The following PCNX4 variants were observed in gnomAD, a reference collection of about 807,000 sequenced individuals.
The protein encoded by PCNX4 is pecanex 4, also known as pecanex-like protein 4.
Under a neutral mutation model 107.2 loss-of-function variants are expected in PCNX4, and 103 were observed. That is an observed-to-expected ratio of 0.96 (90% confidence interval 0.82 to 1.13). The LOEUF is 1.13. Ranked by LOEUF, PCNX4 falls within the 50% of genes most tolerant of loss-of-function variation. The probability of loss-of-function intolerance (pLI) is 0.00; values close to 1 mark genes in which losing one functional copy is unlikely to be tolerated. For missense variants in PCNX4, 1,528 were observed against 1,379.4 expected (o/e 1.11, Z -1.71); for synonymous variants, 541 against 481.7 (o/e 1.12, Z -1.61).
At chr14:60,111,755 A>T (rs1001735159) in intron 2 of PCNX4, among the ~76,000 whole-genome samples, 8 of 152,172 alleles carry the variant, frequency 5.3e-5, no homozygotes, top group African/African-American at 1.4e-4. Context: ...TGGATTTAAT[A>T]TATAGTTTTA....
chr14:60,129,248 A>G (rs1298549248), intron 10 of PCNX4, among the ~76,000 whole-genome samples: 1 of 151,152 alleles, frequency 6.6e-6, no homozygotes, highest in Non-Finnish European at 1.5e-5. Flanking sequence ...CTCAAAAAAA[A>G]AAAAAGAAGG....
intron 2 of PCNX4, chr14:60,109,303 T>C (rs760976199): frequency 3.6e-5 from 6 of 167,154 alleles, no homozygotes; most frequent in Non-Finnish European, 7.3e-5. Flanking sequence ...TATGGCATTT[T>C]TTTATGGCAG....
At position 60,141,180 on chromosome 14, in the gene PCNX4, T is replaced by C. The variant is rs1011155104; in HGVS notation, c.*6959T>C. 3 of 152,134 alleles carry C rather than the reference T, an allele frequency of 2.0e-5. No homozygotes were observed. Among genetic ancestry groups the C allele is most frequent in the Admixed American group, 6.5e-5 (1 of 15,280 alleles). 9.4% of individuals were successfully genotyped at this position (152,134 alleles called of 1,614,324 possible). A position where few individuals can be genotyped will look rare whatever the true frequency, so the allele number is the denominator to read the frequency against. On this transcript the variant is annotated 3_prime_UTR_variant, in exon 11 of 11. Transcript: ENST00000406854. ...ACATCCCAGGGAATACCTAGGAAGA[T>C]AGCATATTAGAAATGAGGAAAGGTC...
intron 3 of PCNX4, 33 bp from the exon 4 acceptor site, chr14:60,114,941 G>A (rs1895814263): frequency 2.0e-6 from 3 of 1,506,974 alleles, no homozygotes; most frequent in South Asian, 2.5e-5. Context: ...TTCTTTTCAA[G>A]TAAATATTTT....
At chr14:60,133,882 A>G (rs1896199048) in intron 10 of PCNX4, 88 bp from the exon 11 acceptor site, 4 of 1,354,086 alleles carry the variant, frequency 3.0e-6, no homozygotes, top group South Asian at 1.5e-5. Context: ...TTACAATGCA[A>G]TTTTTCTCTA....
chr14:60,112,645 C>T (rs535594653), intron 2 of PCNX4, among the ~76,000 whole-genome samples: 6 of 152,168 alleles, frequency 3.9e-5, no homozygotes, highest in African/African-American at 1.4e-4. Flanking sequence ...TATGAGCATA[C>T]ATTATTTTTA....
chr14:60,108,322 A>G lies in PCNX4; in HGVS notation c.684A>G (p.Ala228=). The G allele has an allele frequency of 4.4e-6, 7 of 1,602,170 alleles. No homozygotes were observed. In the Admixed American group the frequency reaches 8.5e-5, roughly 19 times the overall value. Residue 228 remains alanine (A), a synonymous_variant, in exon 2 of 11, where the codon GCA becomes GCG. Coordinates refer to ENST00000406854, the MANE Select transcript of PCNX4 (RefSeq NM_001330177.2). ...YIFFFVSVDL[A]HRFVVNMPAL... is the part of the protein sequence containing the mutation. The stretch of plus-strand genomic sequence containing the variant: ...TTTTCTTTGTTTCTGTGGATCTGGC[A>G]CACAGGTAAAAACCTACCAAATACT...
chr14:60,094,741 T>TATAC (rs2140525182), intron 1 of PCNX4, among the ~76,000 whole-genome samples: 1 of 148,102 alleles, frequency 6.8e-6, no homozygotes, highest in East Asian at 2.0e-4. Flanking sequence ...GTTTTTGCAA[T>TATAC]ATACTTGTGT....
chr14:60,114,609 G>T (rs1347872530), intron 2 of PCNX4, 91 bp from the exon 3 acceptor site: 3 of 1,051,684 alleles, frequency 2.9e-6, no homozygotes, highest in Non-Finnish European at 4.1e-6. Flanking sequence ...TTGGAAGGGA[G>T]TGTGTTGTTA....
chr14:60,139,214 T>G lies in PCNX4; in HGVS notation c.*4993T>G, dbSNP rs868666597. 33 of 152,066 alleles carry G rather than the reference T, an allele frequency of 2.2e-4. No homozygotes were observed. The highest frequency in any genetic ancestry group is 7.7e-4 in the African/African-American group (32 of 41,442). 9.4% of individuals were successfully genotyped at this position (152,066 alleles called of 1,614,324 possible). On this transcript the variant is annotated 3_prime_UTR_variant, in exon 11 of 11. Transcript: ENST00000406854. ...AAAGAAAACCCACAAAGTACCTTTA[T>G]GCAAGAGATGTCTTAAGTATAGGAA...
intron 9 of PCNX4, 99 bp downstream of exon 9, chr14:60,125,350 T>C: frequency 8.1e-7 from 1 of 1,229,770 alleles, no homozygotes; most frequent in Admixed American, 3.4e-5. Flanking sequence ...TCTAGTTTTT[T>C]AAAATTTACT....
At chr14:60,108,781 T>TTTTTTTTTTTTTTTTTTTTTTTTTG (rs1555392930) in intron 2 of PCNX4, 1 of 150,426 alleles carries the variant, frequency 6.6e-6, no homozygotes, top group Non-Finnish European at 1.6e-5. Flanking sequence ...ATTGATTTTT[T>TTTTTTTTTTTTTTTTTTTTTTTTTG]AAAAACCAAC....
chr14:60,118,475 CGT>C lies in PCNX4; in HGVS notation c.1728_1729del (p.Leu577GlyfsTer103). Reference protein sequence around the residue: ...CILNIVFSPFVLVIIVFSTLL... With the variant: ...CILNIVFSPFXLVIIVFSTLL... ...TACTCAACATTGTCTTTTCTCCATT[CGT>C]GTTGGTCATCATAGTTTTTTCTACA... is the stretch of plus-strand genomic sequence containing the variant. On this transcript the variant is annotated frameshift_variant, in exon 7 of 11. Coordinates refer to ENST00000406854, the MANE Select transcript of PCNX4 (RefSeq NM_001330177.2). LOFTEE classifies it high-confidence loss of function. 1 of 1,613,648 alleles carries C rather than the reference CGT, an allele frequency of 6.2e-7. No individual in the cohort carries two copies. Among genetic ancestry groups the C allele is most frequent in the South Asian group, 1.1e-5 (1 of 91,062 alleles).
chr14:60,108,088 G>C lies in PCNX4; in HGVS notation c.450G>C (p.Ala150=), dbSNP rs376702124. The C allele has an allele frequency of 1.2e-6, 2 of 1,612,814 alleles. No homozygotes were observed. Among genetic ancestry groups the C allele is most frequent in the Non-Finnish European group, 1.7e-6 (2 of 1,179,860 alleles). The change falls in exon 2 of 11, where the codon GCG becomes GCC. Residue 150 remains alanine (A), a synonymous_variant. Coordinates refer to ENST00000406854, the MANE Select transcript of PCNX4 (RefSeq NM_001330177.2). ...TTCATTCTATTCTTGCTGGATTAGC[G>C]TGTGGTCTTGGAACATGGTATCTGC... ...TVFHSILAGL[A]CGLGTWYLLP... is the part of the protein sequence containing the mutation.
intron 2 of PCNX4, chr14:60,109,993 G>A (rs962072825): frequency 6.0e-6 from 1 of 167,052 alleles, no homozygotes; most frequent in Non-Finnish European, 1.5e-5. Flanking sequence ...GATTGAAGAA[G>A]GGATTGTTAA....
In PCNX4 at chr14:60,092,353, G is replaced by A. The variant is rs1295581644; in HGVS notation, c.-120G>A. 8.5e-5 allele frequency: 13 copies of A among 152,262 alleles called. No homozygotes were observed. Among genetic ancestry groups the A allele is most frequent in the Admixed American group, 8.5e-4 (13 of 15,290 alleles). 9.4% of individuals were successfully genotyped at this position (152,262 alleles called of 1,614,324 possible). On this transcript the variant is annotated 5_prime_UTR_variant, in exon 1 of 11. Coordinates refer to ENST00000406854, the MANE Select transcript of PCNX4 (RefSeq NM_001330177.2). ...ACCTCCCGGCGGGAGCGCCCAGCCC[G>A]AGTTTACCTGCAAAAATGCGGTCCC...
intron 4 of PCNX4, 94 bp from the exon 5 acceptor site, chr14:60,115,625 T>G: frequency 7.4e-7 from 1 of 1,359,274 alleles, no homozygotes; most frequent in African/African-American, 1.5e-5. Flanking sequence ...ATCGCTTAAA[T>G]GTGCTCATAA....
intron 1 of PCNX4, among the ~76,000 whole-genome samples, chr14:60,097,533 A>G (rs986309646): frequency 2.0e-5 from 3 of 152,246 alleles, no homozygotes; most frequent in Admixed American, 1.3e-4. Flanking sequence ...AATAACTGTT[A>G]CTAACAAAAG....
chr14:60,125,417 T>G (rs1896036561), intron 9 of PCNX4, among the ~76,000 whole-genome samples, 166 bp downstream of exon 9: 1 of 152,194 alleles, frequency 6.6e-6, no homozygotes, highest in Non-Finnish European at 1.5e-5. Flanking sequence ...AGGGTACACT[T>G]TAATTTGTGC....
Sources: gnomAD v4.1 joint callset for allele counts (sites outside exome capture counted in the v4.1 genomes callset) on GRCh38, gnomAD v4.1.1 for gene constraint, MANE v1.5 for transcripts, NCBI Gene and HGNC (gene_info 2026-07-23, HGNC 2026-07-21) for gene names.